Variants in TTC31 observed in about 807,000 individuals in gnomAD.
TTC31 encodes the protein tetratricopeptide repeat domain 31.
Under a neutral mutation model 60.4 loss-of-function variants are expected in TTC31, and 59 were observed. That is an observed-to-expected ratio of 0.98 (90% confidence interval 0.79 to 1.21). The LOEUF (loss-of-function observed/expected upper bound fraction) is 1.21, where lower values mean the gene tolerates loss of function less well. Ranked by LOEUF, TTC31 falls within the 50% of genes most tolerant of loss-of-function variation. The probability of loss-of-function intolerance (pLI) is 0.00; values close to 1 mark genes in which losing one functional copy is unlikely to be tolerated. For synonymous variants in TTC31, 225 were observed against 249.6 expected (o/e 0.90, Z 0.93); for missense variants, 672 against 646.9 (o/e 1.04, Z -0.42).
At chr2:74,491,778 C>T in intron 8 of TTC31, 106 bp downstream of exon 8, 1 of 1,464,864 alleles carries the variant, frequency 6.8e-7, no homozygotes, top group Middle Eastern at 1.8e-4. Context: ...AGTGGGAGTT[C>T]TCTGGCTCTA....
intron 2 of TTC31, 109 bp from the exon 3 acceptor site, chr2:74,489,916 A>G (rs1475509277): frequency 1.3e-6 from 1 of 770,822 alleles, no homozygotes; most frequent in Non-Finnish European, 2.2e-6. Context: ...TCTGGGCTGG[A>G]TAGCTGGTTG....
chr2:74,493,070 T>C lies in TTC31; in HGVS notation c.1412T>C (p.Leu471Ser), dbSNP rs1389528493. The C allele has an allele frequency of 6.2e-7, 1 of 1,614,126 alleles. No homozygotes were observed. The highest frequency in any genetic ancestry group is 2.2e-5 in the East Asian group (1 of 44,886). The change falls in exon 13 of 13, where the codon TTG becomes TCG. Residue 471 changes from leucine (L) to serine (S), a missense_variant. Physicochemically the swap from Leu to Ser is moderately radical, Grantham distance 145. Transcript: ENST00000233623. The part of the protein sequence containing the change: ...ALRSPGLSPL[L>S]HYPSCHRSHP... ...AGGTCCCCTGGCCTGTCTCCACTCT[T>C]GCATTATCCTTCATGTCACCGAAGC...
intron 2 of TTC31, among the ~76,000 whole-genome samples, chr2:74,488,644 C>T (rs1572955295): frequency 2.6e-5 from 4 of 152,292 alleles, no homozygotes; most frequent in Admixed American, 2.6e-4. Flanking sequence ...AAAATTTGGA[C>T]AAGCTGGACA....
rs1672615542 is a variant in TTC31 at position 74,483,125 on chromosome 2, G to T, written c.30G>T (p.Arg10=). 2 of 1,614,124 alleles carry T rather than the reference G, an allele frequency of 1.2e-6. No individual in the cohort carries two copies. Among genetic ancestry groups the T allele is most frequent in the Non-Finnish European group, 1.7e-6 (2 of 1,180,046 alleles). MAPIPKTVG[R]IKLDCSLRPS... is the part of the protein sequence containing the mutation. ...CGCCGATTCCAAAGACTGTGGGGCG[G>T]ATCAAGCTAGGTGAGCGGTATGACA... The change falls in exon 1 of 13, where the codon CGG becomes CGT. Residue 10 remains arginine, a synonymous_variant. Transcript: ENST00000233623.
rs1673984199 is a variant in TTC31 at position 74,492,179 on chromosome 2, G to A, written c.969G>A (p.Glu323=). Reference sequence around the variant, plus strand: ...TTGCTCAAAATGGTTTCTACCATGAGGCCGTGGTCCTCTTCACCCAGGCCT... The same window carrying A: ...TTGCTCAAAATGGTTTCTACCATGAAGCCGTGGTCCTCTTCACCCAGGCCT... ...TSFAQNGFYH[E]AVVLFTQALK... is the part of the protein sequence containing the mutation. Residue 323 remains glutamate, a synonymous_variant, in exon 10 of 13, where the codon GAG becomes GAA. Coordinates refer to ENST00000233623, the MANE Select transcript of TTC31 (RefSeq NM_022492.6). The A allele has an allele frequency of 6.2e-7, 1 of 1,614,210 alleles. No individual in the cohort carries two copies. The highest frequency in any genetic ancestry group is 8.5e-7 in the Non-Finnish European group (1 of 1,180,022).
chr2:74,489,558 A>G (rs1461867373), intron 2 of TTC31, among the ~76,000 whole-genome samples: 2 of 152,336 alleles, frequency 1.3e-5, no homozygotes, highest in East Asian at 3.9e-4. Context: ...CTTAGAGCTT[A>G]GTTTTGTGGA....
chr2:74,490,987 T>A, intron 5 of TTC31, 141 bp from the exon 6 acceptor site: 1 of 1,181,846 alleles, frequency 8.5e-7, no homozygotes, highest in Admixed American at 2.1e-5. Context: ...GTGCCTCTCT[T>A]GTCTGCTTTT....
chr2:74,492,261 G>A (rs762616781), intron 10 of TTC31, 32 bp downstream of exon 10: 2 of 1,613,710 alleles, frequency 1.2e-6, no homozygotes, highest in South Asian at 1.1e-5. Context: ...GCAGGGCAGA[G>A]TGTTGAGGAC....
At position 74,491,308 on chromosome 2, in the gene TTC31, C is replaced by T; in HGVS notation, c.617C>T (p.Ser206Leu). 6.2e-7 allele frequency: 1 copy of T among 1,614,178 alleles called. No homozygotes were observed. Among genetic ancestry groups the T allele is most frequent in the Non-Finnish European group, 8.5e-7 (1 of 1,180,034 alleles). Reference protein sequence around the residue: ...YCGEPKASTTSDGDESPPSSP... With the variant: ...YCGEPKASTTLDGDESPPSSP... ...TCTTTCTTCCAGGCCAGCACTACCT[C>T]AGATGGAGATGAGAGCCCCCCATCC... The change falls in exon 7 of 13, where the codon TCA becomes TTA. Residue 206 changes from serine (S) to leucine (L), a missense_variant. By Grantham distance (145) the Ser-to-Leu change is moderately radical (BLOSUM62 -2). Coordinates refer to ENST00000233623, the MANE Select transcript of TTC31 (RefSeq NM_022492.6).
chr2:74,492,469 A>T (rs1376967558), intron 11 of TTC31, 24 bp downstream of exon 11: 1 of 1,523,550 alleles, frequency 6.6e-7, no homozygotes. Context: ...GGCTGGAAAC[A>T]GGAGAGATTT....
Position 74,493,184 on chromosome 2 carries a change from G to A in TTC31, c.1526G>A (p.Gly509Glu). 1.2e-6 allele frequency: 2 copies of A among 1,614,190 alleles called. No individual in the cohort carries two copies. Among genetic ancestry groups the A allele is most frequent in the South Asian group, 2.2e-5 (2 of 91,088 alleles). Reference sequence around the variant, plus strand: ...CCTTCAAAGGGCTGGGACATCCTGGGACTTGGGCTCCAGCATCTGTCTCAG... The same window carrying A: ...CCTTCAAAGGGCTGGGACATCCTGGAACTTGGGCTCCAGCATCTGTCTCAG... The part of the protein sequence containing the change: ...QDPSKGWDIL[G>E]LGLQHLSQAR Residue 509 changes from glycine to glutamate, a missense_variant, in exon 13 of 13, where the codon GGA becomes GAA. By Grantham distance (98) the Gly-to-Glu change is moderately conservative. Transcript: ENST00000233623.
chr2:74,483,104 G>A lies in TTC31; in HGVS notation c.9G>A (p.Pro3=). 6.2e-7 allele frequency: 1 copy of A among 1,614,222 alleles called. No homozygotes were observed. Among genetic ancestry groups the A allele is most frequent in the South Asian group, 1.1e-5 (1 of 91,090 alleles). The part of the protein sequence containing the change: MA[P]IPKTVGRIKL... ...GGGTCACTGTAGATGCGATGGCGCC[G>A]ATTCCAAAGACTGTGGGGCGGATCA... Residue 3 remains proline, a synonymous_variant, in exon 1 of 13, where the codon CCG becomes CCA. Coordinates refer to ENST00000233623, the MANE Select transcript of TTC31 (RefSeq NM_022492.6).
rs1674259867 is a variant in TTC31, at chr2:74,494,480, TG to T, written c.*1264del. 1 of 152,202 alleles carries T rather than the reference TG, an allele frequency of 6.6e-6. No homozygotes were observed. Among genetic ancestry groups the T allele is most frequent in the South Asian group, 2.1e-4 (1 of 4,828 alleles). The allele number at this position is 152,202 out of a possible 1,614,324, so 9.4% of individuals were successfully genotyped here. On this transcript the variant is annotated 3_prime_UTR_variant, in exon 13 of 13. Transcript: ENST00000233623. The stretch of plus-strand genomic sequence containing the variant: ...TACCTCATAAGGGATATTGTGAGGA[TG>T]GAAAGCGAAAGTGTGAGAAAATACC...
At chr2:74,484,033 C>T (rs370059494) in intron 2 of TTC31, among the ~76,000 whole-genome samples, 1 of 147,680 alleles carries the variant, frequency 6.8e-6, no homozygotes, top group African/African-American at 2.5e-5. Context: ...GTCGGGAGTT[C>T]GAGACCAGCC....
chr2:74,487,312 A>T (rs925631986), intron 2 of TTC31, among the ~76,000 whole-genome samples: 1 of 152,084 alleles, frequency 6.6e-6, no homozygotes, highest in Non-Finnish European at 1.5e-5. Flanking sequence ...TCCACTTCCC[A>T]GTTTCAAGCA....
chr2:74,491,298 A>C lies in TTC31; in HGVS notation c.607A>C (p.Ser203Arg). 6.2e-7 allele frequency: 1 copy of C among 1,614,222 alleles called. No homozygotes were observed. The highest frequency in any genetic ancestry group is 8.5e-7 in the Non-Finnish European group (1 of 1,180,042). ...TACCTGTCTATCTTTCTTCCAGGCC[A>C]GCACTACCTCAGATGGAGATGAGAG... ...LEQYCGEPKA[S>R]TTSDGDESPP... is the part of the protein sequence containing the mutation. The change falls in exon 7 of 13, where the codon AGC (serine) becomes CGC (arginine). Residue 203 changes from serine to arginine, a missense_variant. Ser to Arg is a moderately radical substitution (Grantham distance 110, BLOSUM62 -1). Coordinates refer to ENST00000233623, the MANE Select transcript of TTC31 (RefSeq NM_022492.6).
In TTC31 at chr2:74,492,631, C is replaced by T. The variant is rs754807032; in HGVS notation, c.1162-15C>T. ...GACACCTAATCTTTTCTTTCTGATC[C>T]CTCTGGGACCAAAGCGCTTCAGAGA... is the stretch of plus-strand genomic sequence containing the variant. On this transcript the variant is annotated splice_polypyrimidine_tract_variant and intron_variant, in intron 11 of 12. Coordinates refer to ENST00000233623, the MANE Select transcript of TTC31 (RefSeq NM_022492.6). 1.2e-6 allele frequency: 2 copies of T among 1,613,374 alleles called. No homozygotes were observed. The highest frequency in any genetic ancestry group is 1.7e-6 in the Non-Finnish European group (2 of 1,179,718).
chr2:74,491,426 C>T, intron 7 of TTC31, 51 bp downstream of exon 7: 1 of 1,613,972 alleles, frequency 6.2e-7, no homozygotes, highest in Middle Eastern at 1.6e-4. Flanking sequence ...TCCTCCTCCT[C>T]CTCCAGAATG....
intron 4 of TTC31, 72 bp from the exon 5 acceptor site, chr2:74,490,584 C>A: frequency 6.4e-7 from 1 of 1,558,004 alleles, no homozygotes; most frequent in Non-Finnish European, 8.8e-7. Context: ...TCTATACTGC[C>A]TGCCCCCTTT....
Sources: gnomAD v4.1 joint callset for allele counts (sites outside exome capture counted in the v4.1 genomes callset) on GRCh38, gnomAD v4.1.1 for gene constraint, MANE v1.5 for transcripts, NCBI Gene and HGNC (gene_info 2026-07-23, HGNC 2026-07-21) for gene names.